The following USP6NL variants were observed in gnomAD, a reference collection of about 807,000 sequenced individuals.
USP6NL encodes USP6 N-terminal-like protein.
USP6NL carries 26 observed loss-of-function variants against 61.9 expected under a neutral mutation model. That is an observed-to-expected ratio of 0.42 (90% confidence interval 0.31 to 0.58). The LOEUF is 0.58. Among genes scored for constraint, USP6NL ranks in the 20% least tolerant of loss-of-function variants. The pLI is 0.16. For synonymous variants in USP6NL, 432 were observed against 390.1 expected, an observed-to-expected ratio of 1.11 and a Z score of -1.27; for missense variants, 1,114 against 1,034.3, an observed-to-expected ratio of 1.08 and a Z score of -1.06.
At chr10:11,471,426 C>G (rs1832745401) in intron 14 of USP6NL, among the ~76,000 whole-genome samples, 1 of 152,120 alleles carries the variant, frequency 6.6e-6, no homozygotes, top group South Asian at 2.1e-4. Context: ...GGCGATTCCT[C>G]AAGGATCTAG....
chr10:11,561,166 T>C lies in USP6NL; in HGVS notation c.5-33599A>G, dbSNP rs1836917665. On this transcript the variant is annotated intron_variant, in intron 2 of 14. Transcript: ENST00000609104. The surrounding 1 kb of genome is among the most constrained non-coding windows in gnomAD (Gnocchi z 4.1). ...AGTTTCATCCAGAATAGCTAAAATA[T>C]GTTTGTGCTTTATACATCCAAAAAA... Among the ~76,000 whole-genome samples the C allele has an allele frequency of 1.3e-5, 2 of 152,216 alleles. No individual in the cohort carries two copies. The highest frequency in any genetic ancestry group is 1.3e-4 in the Admixed American group (2 of 15,284).
chr10:11,591,928 G>A lies in USP6NL; in HGVS notation c.4+5703C>T, dbSNP rs1335440092. Among the ~76,000 whole-genome samples the A allele has an allele frequency of 6.6e-6, 1 of 152,108 alleles. No homozygotes were observed. On this transcript the variant is annotated intron_variant, in intron 2 of 14. Coordinates refer to ENST00000609104, the MANE Select transcript of USP6NL (RefSeq NM_014688.5). This position sits in a 1 kb window ranked among gnomAD's most constrained non-coding sequence, Gnocchi z 4.7. ...TCTGTCGCCTGGGCTGGAGTGCAGT[G>A]GCTCAATCTCAGCTCACTGCAACCT...
intron 14 of USP6NL, among the ~76,000 whole-genome samples, chr10:11,466,925 G>A (rs1832489129): frequency 6.6e-6 from 1 of 152,192 alleles, no homozygotes. Flanking sequence ...CATTCTATAT[G>A]CAGTCCACTG....
intron 2 of USP6NL, among the ~76,000 whole-genome samples, chr10:11,584,190 G>A (rs1227492995): frequency 6.6e-6 from 1 of 152,180 alleles, no homozygotes; most frequent in African/African-American, 2.4e-5. Flanking sequence ...CTCCAGCCTG[G>A]GTGACAGAGC....
At chr10:11,558,433 T>C (rs530037219) in intron 2 of USP6NL, among the ~76,000 whole-genome samples, 112 of 152,322 alleles carry the variant, frequency 7.4e-4, no homozygotes, top group African/African-American at 2.7e-3. Flanking sequence ...ATGCTTTATC[T>C]ATTTAATATG....
At chr10:11,531,479 G>A (rs901774821) in intron 2 of USP6NL, among the ~76,000 whole-genome samples, 3 of 151,430 alleles carry the variant, frequency 2.0e-5, no homozygotes, top group Non-Finnish European at 2.9e-5. Flanking sequence ...TGAGCCACCC[G>A]CCTAATTTTT....
At chr10:11,552,348 A>T (rs1453986370) in intron 2 of USP6NL, among the ~76,000 whole-genome samples, 4 of 152,250 alleles carry the variant, frequency 2.6e-5, no homozygotes, top group Non-Finnish European at 4.4e-5. Flanking sequence ...ATGCCTCAAA[A>T]ATGTGAACAG....
chr10:11,504,641 T>G (rs1051148869), intron 6 of USP6NL, among the ~76,000 whole-genome samples: 1 of 152,220 alleles, frequency 6.6e-6, no homozygotes, highest in Non-Finnish European at 1.5e-5. Flanking sequence ...CATTCATTCA[T>G]TCTAAAATGA....
At chr10:11,473,840 G>A (rs151163382) in intron 14 of USP6NL, among the ~76,000 whole-genome samples, 3 of 152,222 alleles carry the variant, frequency 2.0e-5, no homozygotes, top group Admixed American at 6.5e-5. Context: ...CAAATGAAAA[G>A]AACAGAGGAT....
At chr10:11,580,991 C>G (rs1035198903) in intron 2 of USP6NL, among the ~76,000 whole-genome samples, 9 of 152,010 alleles carry the variant, frequency 5.9e-5, no homozygotes, top group African/African-American at 2.2e-4. Flanking sequence ...AATTCTAAAG[C>G]AAAATTATAC....
intron 2 of USP6NL, among the ~76,000 whole-genome samples, chr10:11,551,606 G>A (rs967924728): frequency 1.3e-5 from 2 of 152,188 alleles, no homozygotes; most frequent in Non-Finnish European, 2.9e-5. Flanking sequence ...ATGAGACTTA[G>A]AGAGATCAAT....
In USP6NL at chr10:11,465,938, A is replaced by G. The variant is rs1169383702; in HGVS notation, c.1079-2089T>C. Reference sequence around the variant, plus strand: ...TGGTCCTAGCACATTTTCAGTGTCAACAATGTAATGAAACAAACTACAGTG... The same window carrying G: ...TGGTCCTAGCACATTTTCAGTGTCAGCAATGTAATGAAACAAACTACAGTG... On this transcript the variant is annotated intron_variant, in intron 14 of 14. Transcript: ENST00000609104. The surrounding 1 kb of genome is among the most constrained non-coding windows in gnomAD (Gnocchi z 4.5). Among the ~76,000 whole-genome samples, 1 of 152,228 alleles carries G rather than the reference A, an allele frequency of 6.6e-6. No individual in the cohort carries two copies. Among genetic ancestry groups the G allele is most frequent in the Non-Finnish European group, 1.5e-5 (1 of 68,036 alleles).
rs1315045646 is a variant in USP6NL, at chr10:11,473,697, T to C, written c.1078+8073A>G. Among the ~76,000 whole-genome samples the C allele has an allele frequency of 2.6e-5, 4 of 152,298 alleles. No homozygotes were observed. The East Asian group carries it at 7.7e-4, about 29-fold the overall frequency. On this transcript the variant is annotated intron_variant, in intron 14 of 14. Transcript: ENST00000609104. Reference sequence around the variant, plus strand: ...CAACTGTCTGACCTCGGGCAGGTACTTAACCTTGAAGCCCAAGTTTCCTCC... The same window carrying C: ...CAACTGTCTGACCTCGGGCAGGTACCTAACCTTGAAGCCCAAGTTTCCTCC...
chr10:11,516,139 G>A (rs1591874222), intron 5 of USP6NL, among the ~76,000 whole-genome samples: 1 of 152,034 alleles, frequency 6.6e-6, no homozygotes, highest in South Asian at 2.1e-4. Flanking sequence ...TGCCTGTTTG[G>A]GGGAAACCAA....
At chr10:11,486,013 G>C in intron 10 of USP6NL, 102 bp from the exon 11 acceptor site, 1 of 837,040 alleles carries the variant, frequency 1.2e-6, no homozygotes, top group East Asian at 3.0e-5. Flanking sequence ...AAAATAAAAA[G>C]AAACATTCAG....
At chr10:11,524,273 A>C (rs1243550002) in intron 4 of USP6NL, among the ~76,000 whole-genome samples, 1 of 152,200 alleles carries the variant, frequency 6.6e-6, no homozygotes, top group East Asian at 1.9e-4. Flanking sequence ...TCAGATAGCT[A>C]ATGTCATTAG....
At chr10:11,519,184 G>A (rs1835098339) in intron 4 of USP6NL, among the ~76,000 whole-genome samples, 1 of 152,056 alleles carries the variant, frequency 6.6e-6, no homozygotes, top group South Asian at 2.1e-4. Flanking sequence ...TGCTCCACAG[G>A]CCCCAGCTTG....
intron 2 of USP6NL, among the ~76,000 whole-genome samples, chr10:11,572,917 A>G (rs1043068866): frequency 1.3e-5 from 2 of 152,054 alleles, no homozygotes; most frequent in Admixed American, 1.3e-4. Context: ...AAAATATATA[A>G]GTATATCTTT....
chr10:11,610,125 T>C (rs1328370905), intron 1 of USP6NL, among the ~76,000 whole-genome samples: 1 of 152,212 alleles, frequency 6.6e-6, no homozygotes, highest in Non-Finnish European at 1.5e-5. Context: ...TACCTGTACT[T>C]GCAATTAGGA....
Sources: gnomAD v4.1 joint callset for allele counts (sites outside exome capture counted in the v4.1 genomes callset) on GRCh38, gnomAD v4.1.1 for gene constraint, Gnocchi (gnomAD v3.1) non-coding constraint, MANE v1.5 for transcripts, NCBI Gene and HGNC (gene_info 2026-07-23, HGNC 2026-07-21) for gene names.